RAB10: variants seen among roughly 807,000 people sequenced by gnomAD.
RAB10 encodes the protein RAB10, member RAS oncogene family.
Under a neutral mutation model 25.7 loss-of-function variants are expected in RAB10, and 5 were observed. That is an observed-to-expected ratio of 0.19 (90% CI 0.10 to 0.41). RAB10 has a LOEUF of 0.41. RAB10 is among the 10% of genes least tolerant of loss of function. RAB10 has a pLI of 1.00. For missense variants in RAB10, 103 were observed against 245.8 expected, an observed-to-expected ratio of 0.42 and a Z score of 3.89; for synonymous variants, 89 against 86.4, an observed-to-expected ratio of 1.03 and a Z score of -0.16.
chr2:26,060,834 C>G (rs2149267005), intron 1 of RAB10, among the ~76,000 whole-genome samples: 1 of 152,072 alleles, frequency 6.6e-6, no homozygotes, highest in Admixed American at 6.5e-5. Flanking sequence ...TACAAAAACA[C>G]AACAATAAAA....
intron 1 of RAB10, among the ~76,000 whole-genome samples, chr2:26,064,852 G>A (rs1422504040): frequency 6.6e-6 from 1 of 152,098 alleles, no homozygotes; most frequent in East Asian, 1.9e-4. Flanking sequence ...TCGGAGACCA[G>A]TGTAGTCAAC....
chr2:26,073,757 C>T (rs1666676129), intron 1 of RAB10, among the ~76,000 whole-genome samples: 1 of 152,128 alleles, frequency 6.6e-6, no homozygotes, highest in South Asian at 2.1e-4. Context: ...TGCCATATTA[C>T]ACTGTAGTAA....
intron 1 of RAB10, among the ~76,000 whole-genome samples, chr2:26,066,777 A>T (rs1666520728): frequency 1.8e-5 from 2 of 110,242 alleles, no homozygotes; most frequent in Non-Finnish European, 3.8e-5. Context: ...CATGCCATCA[A>T]TTTTTTTTTT....
intron 3 of RAB10, among the ~76,000 whole-genome samples, chr2:26,113,600 G>A (rs762413837): frequency 6.6e-6 from 1 of 151,802 alleles, no homozygotes; most frequent in Non-Finnish European, 1.5e-5. Context: ...ACTAGGAATA[G>A]CAAAGAACTT....
At position 26,107,796 on chromosome 2, in the gene RAB10, CA is replaced by C. The variant is rs573306485; in HGVS notation, c.189-1962del. 1.3e-4 allele frequency among the ~76,000 whole-genome samples: 17 copies of C among 133,294 alleles called. No individual in the cohort carries two copies. In the South Asian group the frequency reaches 2.4e-3, roughly 19 times the overall value. The allele number at this position is 133,294 out of a possible 152,430, so 87.4% of individuals were successfully genotyped here. On this transcript the variant is annotated intron_variant, in intron 2 of 5. Coordinates refer to ENST00000264710, the MANE Select transcript of RAB10 (RefSeq NM_016131.5). ...GGGCGGCAAGATCGAAACTCTATCT[CA>C]AAAAAAAAACCCCAAAAACAAAAAA...
Position 26,052,477 on chromosome 2 carries a change from T to A in RAB10, c.127+17742T>A, listed in dbSNP as rs1466388620. The stretch of plus-strand genomic sequence containing the variant: ...TGATGGAACCGTGAGCCAATTTTTT[T>A]TTTTTTTTTTTTTTCACTGAGAGAG... On this transcript the variant is annotated intron_variant, in intron 1 of 5. Coordinates refer to ENST00000264710, the MANE Select transcript of RAB10 (RefSeq NM_016131.5). 4.0e-5 allele frequency among the ~76,000 whole-genome samples: 6 copies of A among 151,434 alleles called. No homozygotes were observed. The East Asian group carries it at 1.2e-3, about 29-fold the overall frequency.
chr2:26,055,691 A>C (rs1356592568), intron 1 of RAB10, among the ~76,000 whole-genome samples: 1 of 150,250 alleles, frequency 6.7e-6, no homozygotes, highest in Non-Finnish European at 1.5e-5. Context: ...GCCCAGCCTA[A>C]TTTTTGTGTT....
intron 3 of RAB10, among the ~76,000 whole-genome samples, chr2:26,122,093 G>T (rs905556757): frequency 6.6e-6 from 1 of 152,176 alleles, no homozygotes; most frequent in Non-Finnish European, 1.5e-5. Flanking sequence ...GAAAAGTCAT[G>T]ACATTACAAG....
intron 1 of RAB10, among the ~76,000 whole-genome samples, chr2:26,051,172 A>G (rs1488524137): frequency 2.0e-5 from 3 of 152,128 alleles, no homozygotes; most frequent in African/African-American, 7.2e-5. Context: ...CCTGGGCTCA[A>G]TTGATCCTCC....
At chr2:26,133,310 C>T (rs1476650060) in intron 5 of RAB10, among the ~76,000 whole-genome samples, 4 of 151,966 alleles carry the variant, frequency 2.6e-5, no homozygotes, top group Non-Finnish European at 5.9e-5. Flanking sequence ...ACAATAGCAT[C>T]GATAAATCTC....
chr2:26,133,575 A>G (rs1348481132), intron 5 of RAB10, among the ~76,000 whole-genome samples: 1 of 152,204 alleles, frequency 6.6e-6, no homozygotes, highest in African/African-American at 2.4e-5. Flanking sequence ...AGCTTTATGT[A>G]CTTTTCTGTA....
At position 26,127,922 on chromosome 2, in the gene RAB10, C is replaced by G; in HGVS notation, c.490C>G (p.Leu164Val). ...AAATATAAACATCGAAAAGGCGTTCCTCACGTTAGCTGAAGATATCCTTCG... is the reference window on the plus strand; with the variant it reads ...AAATATAAACATCGAAAAGGCGTTCGTCACGTTAGCTGAAGATATCCTTCG... ...KANINIEKAF[L>V]TLAEDILRKT... Residue 164 changes from leucine (L) to valine (V), a missense_variant, in exon 5 of 6, where the codon CTC (leucine) becomes GTC (valine). Transcript: ENST00000264710. 1 of 1,606,912 alleles carries G rather than the reference C, an allele frequency of 6.2e-7. No homozygotes were observed. Among genetic ancestry groups the G allele is most frequent in the Non-Finnish European group, 8.5e-7 (1 of 1,173,442 alleles).
chr2:26,053,108 C>T (rs1666170570), intron 1 of RAB10, among the ~76,000 whole-genome samples: 1 of 152,178 alleles, frequency 6.6e-6, no homozygotes, highest in Non-Finnish European at 1.5e-5. Flanking sequence ...AGAAAGATCT[C>T]TCTGCTGTCT....
rs935190793 is a variant in RAB10, at chr2:26,058,396, G to A, written c.127+23661G>A. On this transcript the variant is annotated intron_variant, in intron 1 of 5. Transcript: ENST00000264710. ...TCTCAGAAAGAACATGTAAGGCTCC[G>A]TGTCCTTACATGATATCCTGATGCT... Among the ~76,000 whole-genome samples the A allele has an allele frequency of 4.6e-5, 7 of 151,926 alleles. No homozygotes were observed. The East Asian group carries it at 1.2e-3, about 25-fold the overall frequency.
chr2:26,037,892 CT>C (rs925785556), intron 1 of RAB10, among the ~76,000 whole-genome samples: 26 of 145,858 alleles, frequency 1.8e-4, no homozygotes, highest in Non-Finnish European at 1.5e-4. Flanking sequence ...TAAACAATTT[CT>C]TTTTTTTTTT....
chr2:26,046,548 G>T (rs561633215), intron 1 of RAB10, among the ~76,000 whole-genome samples: 1 of 152,202 alleles, frequency 6.6e-6, no homozygotes, highest in South Asian at 2.1e-4. Flanking sequence ...TTAATGGAAT[G>T]CTACATTTCT....
At chr2:26,131,141 A>T (rs1259364721) in intron 5 of RAB10, among the ~76,000 whole-genome samples, 4 of 151,592 alleles carry the variant, frequency 2.6e-5, no homozygotes, top group Non-Finnish European at 5.9e-5. Context: ...GTATGAGTAT[A>T]CTATTAAATA....
At chr2:26,059,283 TC>T (rs1457092609) in intron 1 of RAB10, among the ~76,000 whole-genome samples, 1 of 152,230 alleles carries the variant, frequency 6.6e-6, no homozygotes, top group African/African-American at 2.4e-5. Context: ...ATGCATTCAT[TC>T]ATTCGAATGT....
chr2:26,057,549 A>T (rs1288426080), intron 1 of RAB10, among the ~76,000 whole-genome samples: 1 of 151,424 alleles, frequency 6.6e-6, no homozygotes, highest in African/African-American at 2.4e-5. Flanking sequence ...GGTTGGGGGG[A>T]TGGTGTAGAG....
Sources: allele counts gnomAD v4.1 joint callset (sites outside exome capture counted in the v4.1 genomes callset), GRCh38; gene constraint gnomAD v4.1.1; transcripts MANE v1.5; gene names NCBI Gene and HGNC (gene_info 2026-07-23, HGNC 2026-07-21).